Variants in PHACTR1 observed in about 807,000 individuals in gnomAD.
The protein encoded by PHACTR1 is phosphatase and actin regulator 1.
In PHACTR1, 16 loss-of-function variants were observed where a neutral mutation model predicts 69.2. The observed-to-expected ratio is 0.23, with a 90% CI of 0.16 to 0.35. The LOEUF (loss-of-function observed/expected upper bound fraction) is 0.35. Among genes scored for constraint, PHACTR1 ranks in the 10% least tolerant of loss-of-function variants. PHACTR1 has a pLI of 1.00. For synonymous variants in PHACTR1, 312 were observed against 284.5 expected (o/e 1.10, Z -0.97); for missense variants, 510 against 734.7 (o/e 0.69, Z 3.54).
chr6:13,025,671 T>TGTGTGTGTG (rs1801577968), intron 4 of PHACTR1, among the ~76,000 whole-genome samples: 1 of 140,220 alleles, frequency 7.1e-6, no homozygotes, highest in African/African-American at 2.7e-5. Context: ...CATATATTAT[T>TGTGTGTGTG]TGTGTGTGTG....
chr6:12,748,019 A>G (rs1766027854), intron 3 of PHACTR1, among the ~76,000 whole-genome samples: 3 of 152,336 alleles, frequency 2.0e-5, no homozygotes, highest in Admixed American at 2.0e-4. Context: ...CAGAGAAGCT[A>G]AGAAAGAATT....
At chr6:12,762,591 A>C (rs570205580) in intron 4 of PHACTR1, among the ~76,000 whole-genome samples, 1 of 152,278 alleles carries the variant, frequency 6.6e-6, no homozygotes, top group East Asian at 1.9e-4. Context: ...TTAAATATGA[A>C]GGAATAAATC....
chr6:12,813,099 C>G (rs1237050401), intron 4 of PHACTR1, among the ~76,000 whole-genome samples: 1 of 152,010 alleles, frequency 6.6e-6, no homozygotes, highest in African/African-American at 2.4e-5. Context: ...TTTTTTATAA[C>G]CTGGTGGATC....
At position 12,856,315 on chromosome 6, in the gene PHACTR1, G is replaced by C. The variant is rs563338641; in HGVS notation, c.250+106525G>C. Reference sequence around the variant, plus strand: ...GTCGCCCAAGCTGGAGTGCAGTGGCGCGATCTCGGCTTACTGCAAGCTCCG... The same window carrying C: ...GTCGCCCAAGCTGGAGTGCAGTGGCCCGATCTCGGCTTACTGCAAGCTCCG... On this transcript the variant is annotated intron_variant, in intron 4 of 14. Coordinates refer to ENST00000332995, the MANE Select transcript of PHACTR1 (RefSeq NM_030948.6). Among the ~76,000 whole-genome samples the C allele has an allele frequency of 1.0e-4, 15 of 146,758 alleles. No individual in the cohort carries two copies. In the Admixed American group the frequency reaches 1.0e-3, roughly 10 times the overall value.
chr6:12,817,418 G>A (rs1290242282), intron 4 of PHACTR1, among the ~76,000 whole-genome samples: 1 of 152,182 alleles, frequency 6.6e-6, no homozygotes, highest in East Asian at 1.9e-4. Flanking sequence ...AGTTAAAGTG[G>A]TTGAGAGTCA....
intron 4 of PHACTR1, among the ~76,000 whole-genome samples, chr6:12,907,391 C>T (rs2127490870): frequency 6.6e-6 from 1 of 152,304 alleles, no homozygotes; most frequent in South Asian, 2.1e-4. Context: ...ATGTGCTCTC[C>T]ACTATATAAG....
rs9381655 is a variant in PHACTR1 at position 13,070,634 on chromosome 6, A to G, written c.415+17105A>G. Reference sequence around the variant, plus strand: ...TGACTTGAAAACATACAGAGTGAAAAGGTTAAGATGTATGCATATCTGGGT... The same window carrying G: ...TGACTTGAAAACATACAGAGTGAAAGGGTTAAGATGTATGCATATCTGGGT... On this transcript the variant is annotated intron_variant, in intron 5 of 14. Coordinates refer to ENST00000332995, the MANE Select transcript of PHACTR1 (RefSeq NM_030948.6). Among the ~76,000 whole-genome samples, 34 of 152,308 alleles carry G rather than the reference A, an allele frequency of 2.2e-4. No individual in the cohort carries two copies. In the East Asian group the frequency reaches 6.2e-3, roughly 28 times the overall value.
At chr6:13,018,172 A>G (rs374773473) in intron 4 of PHACTR1, among the ~76,000 whole-genome samples, 20 of 152,298 alleles carry the variant, frequency 1.3e-4, no homozygotes, top group African/African-American at 4.8e-4. Flanking sequence ...TTTAGGAGAG[A>G]ATGCCCTGTG....
At chr6:13,228,094 G>A in intron 9 of PHACTR1, 31 bp downstream of exon 9, 1 of 1,591,110 alleles carries the variant, frequency 6.3e-7, no homozygotes, top group Non-Finnish European at 8.5e-7. Context: ...CACCAGGGGT[G>A]GGGAAGCATG....
chr6:12,853,439 T>C (rs1005067261), intron 4 of PHACTR1, among the ~76,000 whole-genome samples: 3 of 152,224 alleles, frequency 2.0e-5, no homozygotes, highest in African/African-American at 7.2e-5. Context: ...ATTTTTTAAA[T>C]GCTAAGTAGA....
intron 10 of PHACTR1, among the ~76,000 whole-genome samples, chr6:13,243,058 G>A (rs1407769904): frequency 6.6e-6 from 1 of 152,196 alleles, no homozygotes; most frequent in Non-Finnish European, 1.5e-5. Flanking sequence ...TTTTATGGGT[G>A]TGAATGTATT....
At chr6:13,282,806 G>A (rs1364003831) in intron 12 of PHACTR1, among the ~76,000 whole-genome samples, 1 of 152,100 alleles carries the variant, frequency 6.6e-6, no homozygotes, top group Non-Finnish European at 1.5e-5. Context: ...GGTGGGAGTA[G>A]GACAGATAAG....
At chr6:12,904,464 G>A (rs1785516118) in intron 4 of PHACTR1, among the ~76,000 whole-genome samples, 1 of 151,628 alleles carries the variant, frequency 6.6e-6, no homozygotes, top group African/African-American at 2.4e-5. Flanking sequence ...AACCCGGGAG[G>A]CGGAGGTTGT....
intron 4 of PHACTR1, among the ~76,000 whole-genome samples, chr6:12,985,535 A>AT (rs1369860377): frequency 9.0e-4 from 122 of 136,136 alleles, no homozygotes; most frequent in Non-Finnish European, 1.2e-3. Flanking sequence ...AATTAAAAAA[A>AT]AAAAAAATAT....
At chr6:13,064,571 T>TATAC (rs1808241242) in intron 5 of PHACTR1, among the ~76,000 whole-genome samples, 1 of 2,530 alleles carries the variant, frequency 4.0e-4, no homozygotes, top group Admixed American at 2.5e-3. Flanking sequence ...TATATATATA[T>TATAC]ATATATATAT....
chr6:13,073,331 A>ATTTTTTTTTTTTTTTTTTTT (rs10664160), intron 5 of PHACTR1, among the ~76,000 whole-genome samples: 1 of 65,692 alleles, frequency 1.5e-5, no homozygotes, highest in African/African-American at 6.8e-5. Flanking sequence ...CATTCCATGA[A>ATTTTTTTTTTTTTTTTTTTT]TTTTTTTTTT....
intron 10 of PHACTR1, among the ~76,000 whole-genome samples, chr6:13,247,392 C>G (rs1773728088): frequency 6.6e-6 from 1 of 150,828 alleles, no homozygotes; most frequent in Admixed American, 6.6e-5. Context: ...GTCCCCCAGG[C>G]TGGAGTACAG....
At chr6:12,933,928 A>G (rs757719480) in intron 4 of PHACTR1, 11 of 1,607,802 alleles carry the variant, frequency 6.8e-6, no homozygotes, top group African/African-American at 5.3e-5. Flanking sequence ...TGGGAAGGGA[A>G]AATGCGGGTT....
intron 4 of PHACTR1, among the ~76,000 whole-genome samples, chr6:12,974,117 T>G (rs552847102): frequency 6.6e-6 from 1 of 152,168 alleles, no homozygotes; most frequent in South Asian, 2.1e-4. Flanking sequence ...AGACGGGGCT[T>G]CACCATATTG....
Sources: gnomAD v4.1 joint callset for allele counts (sites outside exome capture counted in the v4.1 genomes callset) on GRCh38, gnomAD v4.1.1 for gene constraint, MANE v1.5 for transcripts, NCBI Gene and HGNC (gene_info 2026-07-23, HGNC 2026-07-21) for gene names.